Variants in CRB1 observed in about 807,000 individuals in gnomAD.
CRB1 encodes the protein protein crumbs homolog 1.
Under a neutral mutation model 120.0 loss-of-function variants are expected in CRB1, and 83 were observed. The observed-to-expected ratio is 0.69, with a 90% CI of 0.58 to 0.83. CRB1 has a LOEUF of 0.83. CRB1 is among the 40% of genes least tolerant of loss of function. CRB1 has a pLI of 0.00. For missense variants in CRB1, 1,699 were observed against 1,687.6 expected, an observed-to-expected ratio of 1.01 and a Z score of -0.12; for synonymous variants, 625 against 612.5, an observed-to-expected ratio of 1.02 and a Z score of -0.30.
the CRB1 span, among the ~76,000 whole-genome samples, chr1:197,261,533 A>G: frequency 6.6e-6 from 1 of 152,214 alleles, no homozygotes; most frequent in South Asian, 2.1e-4. Context: ...AAGAAGCAAA[A>G]TAATATTTAT....
At chr1:197,402,888 C>G (rs1271105490) in intron 5 of CRB1, among the ~76,000 whole-genome samples, 5 of 152,204 alleles carry the variant, frequency 3.3e-5, no homozygotes, top group Non-Finnish European at 7.4e-5. Context: ...TTTAATAGCA[C>G]TATTGCAATG....
At chr1:197,398,892 TTGTG>T (rs140149936) in intron 5 of CRB1, among the ~76,000 whole-genome samples, 21,669 of 136,202 alleles carry the variant, frequency 0.16, 2,095 homozygotes, top group East Asian at 0.45. Context: ...CAGGAAATGA[TTGTG>T]TGTGTGTGTG....
chr1:197,209,449 A>T, the CRB1 span, among the ~76,000 whole-genome samples: 3 of 152,222 alleles, frequency 2.0e-5, no homozygotes, highest in East Asian at 5.8e-4. Flanking sequence ...AGGCTCAAGC[A>T]GTTCTCCTGC....
At chr1:197,408,496 C>T (rs935851770) in intron 5 of CRB1, among the ~76,000 whole-genome samples, 1 of 151,966 alleles carries the variant, frequency 6.6e-6, no homozygotes, top group Admixed American at 6.6e-5. Context: ...CTTACCAGGT[C>T]AATAATATAC....
chr1:197,349,901 C>A (rs1393348736), intron 4 of CRB1, among the ~76,000 whole-genome samples: 1 of 151,504 alleles, frequency 6.6e-6, no homozygotes, highest in Non-Finnish European at 1.5e-5. Context: ...GAGATCGAGA[C>A]CATCCTGGCT....
At chr1:197,294,478 C>T (rs980491852) in intron 1 of CRB1, among the ~76,000 whole-genome samples, 2 of 152,092 alleles carry the variant, frequency 1.3e-5, no homozygotes, top group East Asian at 1.9e-4. Flanking sequence ...CTAATTCAAC[C>T]GTTGTGGAAG....
At chr1:197,457,000 G>A (rs1325181177) in intron 11 of CRB1, among the ~76,000 whole-genome samples, 2 of 152,170 alleles carry the variant, frequency 1.3e-5, no homozygotes, top group Non-Finnish European at 2.9e-5. Context: ...GCCAGTAAGA[G>A]TTGACCACTG....
At chr1:197,293,466 T>C (rs1043870126) in intron 1 of CRB1, among the ~76,000 whole-genome samples, 2 of 151,964 alleles carry the variant, frequency 1.3e-5, no homozygotes, top group African/African-American at 4.8e-5. Context: ...AGAATCAATA[T>C]CGTGAAAATG....
intron 2 of CRB1, among the ~76,000 whole-genome samples, chr1:197,339,786 A>G (rs1659351917): frequency 1.3e-5 from 2 of 152,202 alleles, no homozygotes; most frequent in East Asian, 1.9e-4. Context: ...ACTGATCACA[A>G]GTTTGGGGCA....
In CRB1 at chr1:197,458,426, C is replaced by A. The variant is rs551635132; in HGVS notation, c.4005+16134C>A. Among the ~76,000 whole-genome samples, 65 of 152,108 alleles carry A rather than the reference C, an allele frequency of 4.3e-4. No individual in the cohort carries two copies. In the South Asian group the frequency reaches 0.013, roughly 30 times the overall value. ...AATTTTCTAAATGTTCTCTTCTTTCCAAATTCAGTTGAGCCTGAAGGGTTT... is the reference window on the plus strand; with the variant it reads ...AATTTTCTAAATGTTCTCTTCTTTCAAAATTCAGTTGAGCCTGAAGGGTTT... On this transcript the variant is annotated intron_variant, in intron 11 of 11. Transcript: ENST00000367400.
chr1:197,290,595 A>G (rs1656118429), intron 1 of CRB1, among the ~76,000 whole-genome samples: 1 of 151,664 alleles, frequency 6.6e-6, no homozygotes, highest in Admixed American at 6.6e-5. Flanking sequence ...AACAGGACAG[A>G]CACAGTATGA....
chr1:197,217,653 A>G, the CRB1 span, among the ~76,000 whole-genome samples: 1 of 152,170 alleles, frequency 6.6e-6, no homozygotes, highest in Admixed American at 6.5e-5. Flanking sequence ...AGTAGTTGGT[A>G]GGGGATAGAG....
At chr1:197,256,559 T>C in the CRB1 span, among the ~76,000 whole-genome samples, 1 of 152,072 alleles carries the variant, frequency 6.6e-6, no homozygotes, top group Non-Finnish European at 1.5e-5. Flanking sequence ...CTGTATTCCT[T>C]CTTTTTTTAA....
chr1:197,341,130 C>T (rs1482462650), intron 2 of CRB1, among the ~76,000 whole-genome samples: 1 of 152,124 alleles, frequency 6.6e-6, no homozygotes, highest in African/African-American at 2.4e-5. Context: ...TCCCATAACA[C>T]CTGGGAATTC....
the CRB1 span, among the ~76,000 whole-genome samples, chr1:197,246,427 C>A: frequency 6.6e-6 from 1 of 151,942 alleles, no homozygotes; most frequent in Non-Finnish European, 1.5e-5. Context: ...AGCTCCAAGT[C>A]TGAGATATAT....
chr1:197,355,348 G>T (rs534502240), intron 4 of CRB1, among the ~76,000 whole-genome samples: 1 of 152,322 alleles, frequency 6.6e-6, no homozygotes, highest in African/African-American at 2.4e-5. Context: ...TGGATCCCAC[G>T]CAGGGGCCGC....
intron 5 of CRB1, among the ~76,000 whole-genome samples, chr1:197,406,416 G>A (rs1663397287): frequency 6.6e-6 from 1 of 152,144 alleles, no homozygotes; most frequent in South Asian, 2.1e-4. Flanking sequence ...TTAATCTCAA[G>A]TACCCAGTGA....
At chr1:197,227,207 C>T in the CRB1 span, among the ~76,000 whole-genome samples, 8 of 152,062 alleles carry the variant, frequency 5.3e-5, no homozygotes, top group African/African-American at 1.4e-4. Context: ...TGAGACAAGG[C>T]AAGTTCCTTC....
At chr1:197,268,115 CAGA>C, upstream of CRB1, 1 of 380,662 alleles carries the variant, frequency 2.6e-6, no homozygotes, top group Admixed American at 3.7e-5. Flanking sequence ...GCAGCATGAA[CAGA>C]AGAAAACTCG....
Sources: gnomAD v4.1 joint callset for allele counts (sites outside exome capture counted in the v4.1 genomes callset) on GRCh38, gnomAD v4.1.1 for gene constraint, MANE v1.5 for transcripts, NCBI Gene and HGNC (gene_info 2026-07-23, HGNC 2026-07-21) for gene names.